LMF1: variants seen among roughly 807,000 people sequenced by gnomAD.
LMF1 encodes the protein transmembrane protein 112.
LMF1 carries 68 observed loss-of-function variants against 60.6 expected under a neutral mutation model. The ratio of observed to expected loss-of-function variants is 1.12; its 90% confidence interval spans 0.92 to 1.37. The LOEUF is 1.37. Ranked by LOEUF, LMF1 falls within the 40% of genes most tolerant of loss-of-function variation. The pLI, the probability that LMF1 is intolerant of heterozygous loss-of-function variation, is 0.00. For missense variants in LMF1, 948 were observed against 767.2 expected (o/e 1.24, Z -2.78); for synonymous variants, 418 against 324.7 (o/e 1.29, Z -3.09).
At chr16:946,450 A>G (rs1345210907) in intron 2 of LMF1, among the ~76,000 whole-genome samples, 1 of 152,228 alleles carries the variant, frequency 6.6e-6, no homozygotes, top group Non-Finnish European at 1.5e-5. Context: ...TGCAGAAGGC[A>G]CCCACGGCCA....
At chr16:909,266 G>T (rs2071044382) in intron 4 of LMF1, among the ~76,000 whole-genome samples, 1 of 152,136 alleles carries the variant, frequency 6.6e-6, no homozygotes. Flanking sequence ...GGAGGGCGCT[G>T]GGGAAGATGG....
At position 854,016 on chromosome 16, in the gene LMF1, C is replaced by T. The variant is rs1017086919; in HGVS notation, c.*516G>A. 62 of 454,152 alleles carry T rather than the reference C, an allele frequency of 1.4e-4. No homozygotes were observed. In the East Asian group the frequency reaches 2.6e-3, roughly 19 times the overall value. 28.1% of individuals were successfully genotyped at this position (454,152 alleles called of 1,614,324 possible). A position where few individuals can be genotyped will look rare whatever the true frequency, so the allele number is the denominator to read the frequency against. On this transcript the variant is annotated 3_prime_UTR_variant, in exon 11 of 11. Coordinates refer to ENST00000262301, the MANE Select transcript of LMF1 (RefSeq NM_022773.4). ...GGCCCATCCAACCCCACATCCTGGCCGGGCGTGTCCAGGTCCCTGTGGGGC... is the reference window on the plus strand; with the variant it reads ...GGCCCATCCAACCCCACATCCTGGCTGGGCGTGTCCAGGTCCCTGTGGGGC...
At chr16:863,913 G>A (rs2151691560) in intron 10 of LMF1, among the ~76,000 whole-genome samples, 1 of 152,344 alleles carries the variant, frequency 6.6e-6, no homozygotes, top group Non-Finnish European at 1.5e-5. Context: ...CCCAGAAAAT[G>A]TGACATGTCA....
At chr16:886,480 C>T (rs1227482895) in intron 5 of LMF1, among the ~76,000 whole-genome samples, 3 of 152,070 alleles carry the variant, frequency 2.0e-5, no homozygotes, top group Non-Finnish European at 4.4e-5. Flanking sequence ...GAACCGCGCC[C>T]GGCCAAAACC....
chr16:952,893 C>A (rs200022310), intron 2 of LMF1, among the ~76,000 whole-genome samples: 329 of 83,012 alleles, frequency 4.0e-3, no homozygotes, highest in African/African-American at 0.013. Context: ...ACACAGACAC[C>A]CACCCCAAAC....
intron 3 of LMF1, among the ~76,000 whole-genome samples, chr16:923,571 T>C (rs1037851210): frequency 1.3e-5 from 2 of 152,072 alleles, no homozygotes; most frequent in African/African-American, 2.4e-5. Flanking sequence ...CAGAGCAAGA[T>C]CCCAGCTCTA....
At chr16:870,107 C>G in intron 8 of LMF1, 41 bp from the exon 9 acceptor site, 1 of 1,582,254 alleles carries the variant, frequency 6.3e-7, no homozygotes, top group Middle Eastern at 1.7e-4. Flanking sequence ...CGTCACACAC[C>G]GGCTGGGCCG....
upstream of LMF1, among the ~76,000 whole-genome samples, chr16:971,585 G>T (rs2073052603): frequency 6.6e-6 from 1 of 152,244 alleles, no homozygotes; most frequent in South Asian, 2.1e-4. Context: ...CTTGGGACTG[G>T]ACTTCAAGCT....
At chr16:870,143 TC>T (rs1936787381) in intron 8 of LMF1, 77 bp from the exon 9 acceptor site, 4 of 1,470,962 alleles carry the variant, frequency 2.7e-6, no homozygotes, top group Non-Finnish European at 3.7e-6. Context: ...TGGGGGGGGT[TC>T]CCCGACTGTC....
At chr16:899,770 T>TA (rs1306136208) in intron 4 of LMF1, 1 of 152,312 alleles carries the variant, frequency 6.6e-6, no homozygotes, top group East Asian at 1.9e-4. Flanking sequence ...GTAAAGCGCT[T>TA]TGCAGACAGT....
chr16:932,112 G>A (rs1055211986), intron 3 of LMF1, among the ~76,000 whole-genome samples: 12 of 152,228 alleles, frequency 7.9e-5, no homozygotes, highest in African/African-American at 1.4e-4. Flanking sequence ...AGAGTCACCC[G>A]GCTCCTCGAC....
chr16:923,922 T>G (rs1022399652), intron 3 of LMF1, among the ~76,000 whole-genome samples: 9 of 152,320 alleles, frequency 5.9e-5, no homozygotes, highest in African/African-American at 1.7e-4. Flanking sequence ...TGACCAGTTG[T>G]GCTGGTAAAG....
chr16:865,095 A>G (rs1330755462), intron 10 of LMF1, among the ~76,000 whole-genome samples: 1 of 152,144 alleles, frequency 6.6e-6, no homozygotes, highest in Non-Finnish European at 1.5e-5. Context: ...GTGTGTTCCA[A>G]TGTATCTCTT....
intron 1 of LMF1, chr16:976,641 G>GC (rs766404595): frequency 2.0e-4 from 90 of 454,002 alleles, no homozygotes; most frequent in Non-Finnish European, 3.0e-4. Context: ...TGCTGTTGGC[G>GC]CCCCCCACCC....
At chr16:930,205 C>G (rs1329992245) in intron 3 of LMF1, among the ~76,000 whole-genome samples, 1 of 138,218 alleles carries the variant, frequency 7.2e-6, no homozygotes, top group Non-Finnish European at 1.6e-5. Context: ...TTCGTCTGAA[C>G]AGGGGTGCAG....
chr16:934,040 G>C (rs1002856649), intron 3 of LMF1: 1 of 1,507,082 alleles, frequency 6.6e-7, no homozygotes. Context: ...CTAGGTGCCC[G>C]GGGCCTGGAA....
chr16:947,373 T>G (rs1405059891), intron 2 of LMF1: 1 of 417,026 alleles, frequency 2.4e-6, no homozygotes, highest in Non-Finnish European at 4.9e-6. Context: ...GGAAAAGGTG[T>G]TGCAGGTACT....
chr16:854,190 T>C lies in LMF1; in HGVS notation c.*342A>G. On this transcript the variant is annotated 3_prime_UTR_variant, in exon 11 of 11. Coordinates refer to ENST00000262301, the MANE Select transcript of LMF1 (RefSeq NM_022773.4). ...CTGGCTGGGTCTATGGTCAGGGCTG[T>C]AGTGGAGGAAGGTGTCAGGATGGCC... The C allele has an allele frequency of 1.9e-6, 1 of 522,256 alleles. No individual in the cohort carries two copies. The highest frequency in any genetic ancestry group is 3.7e-6 in the Non-Finnish European group (1 of 271,790). The allele number at this position is 522,256 out of a possible 1,614,324, so 32.4% of individuals were successfully genotyped here.
chr16:958,802 G>C (rs1296489349), intron 1 of LMF1, among the ~76,000 whole-genome samples: 2 of 152,074 alleles, frequency 1.3e-5, no homozygotes, highest in Non-Finnish European at 2.9e-5. Flanking sequence ...CAGGAGAATT[G>C]CTTGAACCCA....
Sources: allele counts gnomAD v4.1 joint callset (sites outside exome capture counted in the v4.1 genomes callset), GRCh38; gene constraint gnomAD v4.1.1; transcripts MANE v1.5; gene names NCBI Gene and HGNC (gene_info 2026-07-23, HGNC 2026-07-21).